SNAP47: variants seen among roughly 807,000 people sequenced by gnomAD.
SNAP47 encodes synaptosomal-associated protein 47.
Under a neutral mutation model 31.4 loss-of-function variants are expected in SNAP47, and 20 were observed. The observed-to-expected ratio is 0.64, with a 90% CI of 0.45 to 0.93. The LOEUF is 0.93. Among genes scored for constraint, SNAP47 ranks in the 40% least tolerant of loss-of-function variants. SNAP47 has a pLI of 0.00. For missense variants in SNAP47, 492 were observed against 528.5 expected (o/e 0.93, Z 0.68); for synonymous variants, 194 against 213.4 (o/e 0.91, Z 0.79).
chr1:227,777,132 TCTTCTTTATATTCTGG>T, intron 4 of SNAP47: 2 of 864,388 alleles, frequency 2.3e-6, no homozygotes, highest in Non-Finnish European at 2.8e-6. Context: ...TATTTTATTT[TCTTCTTTATATTCTGG>T]GGAGATGTCA....
chr1:227,778,181 TG>T (rs1367975324), intron 4 of SNAP47, among the ~76,000 whole-genome samples: 1 of 152,228 alleles, frequency 6.6e-6, no homozygotes, highest in African/African-American at 2.4e-5. Context: ...GTCTGTATTA[TG>T]GGCAGATTTT....
chr1:227,766,203 C>T (rs911780338), intron 3 of SNAP47, among the ~76,000 whole-genome samples: 4 of 152,226 alleles, frequency 2.6e-5, no homozygotes, highest in Admixed American at 2.6e-4. Context: ...ACTGCAGCTG[C>T]ACTCTCCCTG....
chr1:227,748,041 T>C lies in SNAP47; in HGVS notation c.305T>C (p.Leu102Pro), dbSNP rs759917080. 3.6e-5 allele frequency: 58 copies of C among 1,614,096 alleles called. No individual in the cohort carries two copies. The highest frequency in any genetic ancestry group is 4.9e-5 in the Non-Finnish European group (58 of 1,180,024). ...SIIEHFWREL[L>P]LSQPGAVADA... ...ATCGAGCATTTCTGGAGGGAGCTGC[T>C]GCTGTCTCAGCCTGGAGCCGTGGCA... The change falls in exon 2 of 5, where the codon CTG becomes CCG. Residue 102 changes from leucine (L) to proline (P), a missense_variant. By Grantham distance (98) the Leu-to-Pro change is moderately conservative. Coordinates refer to ENST00000617596, the MANE Select transcript of SNAP47 (RefSeq NM_053052.4).
chr1:227,732,824 G>A (rs1022660562), upstream of SNAP47: 1 of 1,605,358 alleles, frequency 6.2e-7, no homozygotes, highest in Non-Finnish European at 8.5e-7. Flanking sequence ...GGGAGTCTGA[G>A]CCATGCAGCC....
At chr1:227,776,696 C>T (rs1314163122) in intron 4 of SNAP47, 4 of 985,362 alleles carry the variant, frequency 4.1e-6, no homozygotes, top group Non-Finnish European at 4.8e-6. Flanking sequence ...AGAATCTGGA[C>T]CTGCACTCCA....
At chr1:227,733,734 G>C, upstream of SNAP47, 4 of 1,597,282 alleles carry the variant, frequency 2.5e-6, no homozygotes, top group Non-Finnish European at 3.4e-6. Flanking sequence ...TATGGGCTTT[G>C]CTTGGCACCC....
chr1:227,730,198 C>A (rs1318657100), upstream of SNAP47, among the ~76,000 whole-genome samples: 1 of 152,210 alleles, frequency 6.6e-6, no homozygotes, highest in Non-Finnish European at 1.5e-5. Context: ...ACCTCGTACC[C>A]CAGGAGGTTG....
At chr1:227,772,692 G>A (rs920596849) in intron 4 of SNAP47, among the ~76,000 whole-genome samples, 1 of 152,104 alleles carries the variant, frequency 6.6e-6, no homozygotes, top group African/African-American at 2.4e-5. Flanking sequence ...CTGTGGTTTT[G>A]GTTTCCTCTT....
chr1:227,733,670 T>C, upstream of SNAP47: 4 of 1,600,824 alleles, frequency 2.5e-6, no homozygotes, highest in Non-Finnish European at 3.4e-6. Context: ...GATGTCAGCA[T>C]GGAACGGGGA....
At chr1:227,773,652 T>G (rs930414109) in intron 4 of SNAP47, among the ~76,000 whole-genome samples, 30 of 152,246 alleles carry the variant, frequency 2.0e-4, no homozygotes, top group African/African-American at 7.2e-4. Flanking sequence ...CGTATCTTTA[T>G]GCTGCACATT....
intron 1 of SNAP47, among the ~76,000 whole-genome samples, chr1:227,736,686 GT>G (rs112159513): frequency 0.18 from 20,027 of 110,886 alleles, 1,485 homozygotes; most frequent in East Asian, 0.3. Flanking sequence ...TTTTGTTTTT[GT>G]TTTTTTTTTT....
At chr1:227,735,240 G>A (rs780259421), upstream of SNAP47, 46 of 1,600,300 alleles carry the variant, frequency 2.9e-5, no homozygotes, top group African/African-American at 5.4e-5. Flanking sequence ...CCTCGGAAGT[G>A]GCTGTCGGCG....
upstream of SNAP47, chr1:227,734,741 C>T: frequency 6.2e-7 from 1 of 1,614,200 alleles, no homozygotes; most frequent in East Asian, 2.2e-5. Flanking sequence ...GATGTAGTCT[C>T]TGAGAGTCAT....
At chr1:227,764,443 G>T (rs1041165127) in intron 3 of SNAP47, among the ~76,000 whole-genome samples, 7 of 152,198 alleles carry the variant, frequency 4.6e-5, no homozygotes, top group Non-Finnish European at 8.8e-5. Context: ...AAGCCATGTC[G>T]TAGGTAGGGA....
At chr1:227,776,778 C>T (rs962584620) in intron 4 of SNAP47, 2 of 985,326 alleles carry the variant, frequency 2.0e-6, no homozygotes, top group South Asian at 4.7e-5. Flanking sequence ...ACAGATCGCT[C>T]TTGTGTTTTT....
At chr1:227,775,865 G>A (rs1323390188) in intron 4 of SNAP47, 1 of 1,303,950 alleles carries the variant, frequency 7.7e-7, no homozygotes, top group Non-Finnish European at 1.0e-6. Context: ...GCTTTGTGGA[G>A]ACAGAGACTT....
rs1664436685 is a variant in SNAP47 at position 227,781,066 on chromosome 1, A to G, written c.*393A>G. 5.4e-6 allele frequency: 1 copy of G among 185,386 alleles called. No individual in the cohort carries two copies. The highest frequency in any genetic ancestry group is 5.7e-5 in the Admixed American group (1 of 17,442). The allele number at this position is 185,386 out of a possible 1,614,324, so 11.5% of individuals were successfully genotyped here. A position where few individuals can be genotyped will look rare whatever the true frequency, so the allele number is the denominator to read the frequency against. ...AAGTTAGAGCCCAGCTCACTTAGCC[A>G]GCTCACTTTGAGGGCATCCTATAAA... On this transcript the variant is annotated 3_prime_UTR_variant, in exon 5 of 5. Coordinates refer to ENST00000617596, the MANE Select transcript of SNAP47 (RefSeq NM_053052.4).
At chr1:227,755,619 C>T (rs1015042269) in intron 2 of SNAP47, among the ~76,000 whole-genome samples, 1 of 152,112 alleles carries the variant, frequency 6.6e-6, no homozygotes, top group African/African-American at 2.4e-5. Flanking sequence ...ACTCCTGGGC[C>T]TCAAGTAATC....
intron 3 of SNAP47, 111 bp from the exon 4 acceptor site, chr1:227,766,848 T>G (rs1380012860): frequency 7.5e-6 from 11 of 1,467,928 alleles, no homozygotes; most frequent in Non-Finnish European, 1.0e-5. Context: ...CAGTCCTGCG[T>G]GTGGTGGCGG....
Sources: gnomAD v4.1 joint callset for allele counts (sites outside exome capture counted in the v4.1 genomes callset) on GRCh38, gnomAD v4.1.1 for gene constraint, MANE v1.5 for transcripts, NCBI Gene and HGNC (gene_info 2026-07-23, HGNC 2026-07-21) for gene names.